Variants in MGAT4C observed in about 807,000 individuals in gnomAD.
MGAT4C encodes the protein alpha-1,3-mannosyl-glycoprotein 4-beta-N-acetylglucosaminyltransferase C.
In MGAT4C, 19 loss-of-function variants were observed where a neutral mutation model predicts 40.1. The observed-to-expected ratio is 0.47, with a 90% CI of 0.33 to 0.70. The LOEUF is 0.70. Ranked by LOEUF, MGAT4C falls within the 30% of genes least tolerant of loss-of-function variation. The pLI, the probability that MGAT4C is intolerant of heterozygous loss-of-function variation, is 0.02. For synonymous variants in MGAT4C, 181 were observed against 187.1 expected, an observed-to-expected ratio of 0.97 and a Z score of 0.27; for missense variants, 491 against 563.2, an observed-to-expected ratio of 0.87 and a Z score of 1.30.
Position 86,201,387 on chromosome 12 carries a change from C to T in MGAT4C, c.-57+54852G>A, listed in dbSNP as rs115043091. On this transcript the variant is annotated intron_variant, in intron 1 of 4. Coordinates refer to ENST00000611864, the MANE Select transcript of MGAT4C (RefSeq NM_001351288.2). ...TTGTTTATTATTATGTCAATAACAC[C>T]ATCTTGATTAATGAAGCTATATTAT... Among the ~76,000 whole-genome samples the T allele has an allele frequency of 3.2e-3, 485 of 151,164 alleles. 2 individuals carry two copies. Among genetic ancestry groups the T allele is most frequent in the African/African-American group, 0.011 (450 of 41,358 alleles).
chr12:86,508,975 G>A (rs1958522163), intron 2 of MGAT4C, among the ~76,000 whole-genome samples: 1 of 151,774 alleles, frequency 6.6e-6, no homozygotes. Flanking sequence ...TGTCAGATGA[G>A]TTAGGTTGCG....
chr12:86,773,927 A>AT (rs1237912217), intron 1 of MGAT4C, among the ~76,000 whole-genome samples: 2 of 136,140 alleles, frequency 1.5e-5, no homozygotes, highest in Non-Finnish European at 3.2e-5. Context: ...ACAGGTTCAC[A>AT]TTTTTTTAAA....
chr12:86,041,648 T>G (rs1021647151), intron 2 of MGAT4C, among the ~76,000 whole-genome samples: 2 of 152,236 alleles, frequency 1.3e-5, no homozygotes, highest in Non-Finnish European at 2.9e-5. Context: ...CTTCTTAGTA[T>G]TGACTTAAAT....
At chr12:86,066,116 T>C (rs1398153849) in intron 1 of MGAT4C, among the ~76,000 whole-genome samples, 1 of 152,152 alleles carries the variant, frequency 6.6e-6, no homozygotes, top group African/African-American at 2.4e-5. Context: ...ATCAATATCG[T>C]GAAAATGGCC....
At chr12:86,411,818 C>T (rs765494777) in intron 3 of MGAT4C, among the ~76,000 whole-genome samples, 8 of 152,130 alleles carry the variant, frequency 5.3e-5, no homozygotes, top group Non-Finnish European at 8.8e-5. Flanking sequence ...CCATCATAGG[C>T]CCGGAGGACT....
chr12:86,518,202 C>T (rs941230508), intron 2 of MGAT4C, among the ~76,000 whole-genome samples: 5 of 152,018 alleles, frequency 3.3e-5, no homozygotes, highest in African/African-American at 7.2e-5. Flanking sequence ...TGAACAACAA[C>T]AACAAAAAAA....
chr12:86,756,419 AT>A (rs35597176), intron 1 of MGAT4C, among the ~76,000 whole-genome samples: 45,123 of 149,088 alleles, frequency 0.3, 6,848 homozygotes, highest in East Asian at 0.37. Flanking sequence ...GCAACATACG[AT>A]TTTTTTTTTT....
At chr12:86,671,705 G>A (rs944412869) in intron 2 of MGAT4C, among the ~76,000 whole-genome samples, 2 of 152,246 alleles carry the variant, frequency 1.3e-5, no homozygotes, top group East Asian at 3.9e-4. Context: ...AAGAGAGAAA[G>A]GAGGTCATTA....
chr12:86,827,320 A>G (rs1292665486), intron 1 of MGAT4C, among the ~76,000 whole-genome samples: 1 of 151,510 alleles, frequency 6.6e-6, no homozygotes, highest in African/African-American at 2.4e-5. Flanking sequence ...CAAAAACCTT[A>G]TAAAATGGAA....
intron 4 of MGAT4C, among the ~76,000 whole-genome samples, chr12:86,279,318 T>C (rs1273718562): frequency 2.0e-5 from 3 of 152,156 alleles, no homozygotes; most frequent in Non-Finnish European, 2.9e-5. Context: ...ATTTTTATCA[T>C]GGCATTGATC....
At chr12:86,124,071 T>C in intron 1 of MGAT4C, among the ~76,000 whole-genome samples, 1 of 152,036 alleles carries the variant, frequency 6.6e-6, no homozygotes, top group African/African-American at 2.4e-5. Flanking sequence ...TTACAGTTCC[T>C]GGAGATATGA....
intron 1 of MGAT4C, among the ~76,000 whole-genome samples, chr12:86,761,660 A>G (rs1020610054): frequency 1.3e-5 from 2 of 152,130 alleles, no homozygotes; most frequent in African/African-American, 4.8e-5. Context: ...TCATGGGAGA[A>G]TTAATTTTCT....
intron 2 of MGAT4C, among the ~76,000 whole-genome samples, chr12:86,685,048 C>G (rs1950048598): frequency 6.6e-6 from 1 of 152,106 alleles, no homozygotes; most frequent in East Asian, 1.9e-4. Context: ...AATAAGATCC[C>G]ATTTGTCAAT....
intron 2 of MGAT4C, among the ~76,000 whole-genome samples, chr12:86,603,277 T>C (rs1341126952): frequency 7.0e-6 from 1 of 142,394 alleles, no homozygotes; most frequent in East Asian, 2.0e-4. Context: ...AATATAATTA[T>C]AATTAATTAT....
chr12:86,503,711 CATATATATATATATGAGTTCTGCTCAT>C (rs1958412052), intron 2 of MGAT4C, among the ~76,000 whole-genome samples: 5 of 61,638 alleles, frequency 8.1e-5, no homozygotes, highest in Non-Finnish European at 1.5e-4. Context: ...GAGTTCTGCT[CATATATATATATATGAGTTCTGCTCAT>C]ATATATATAT....
At chr12:86,363,959 C>T (rs909013976) in intron 3 of MGAT4C, among the ~76,000 whole-genome samples, 1 of 67,296 alleles carries the variant, frequency 1.5e-5, no homozygotes, top group Admixed American at 1.9e-4. Context: ...TTCTCACTCT[C>T]TCTCTCTCTC....
chr12:85,980,542 C>G, intron 4 of MGAT4C, 112 bp from the exon 5 acceptor site: 1 of 925,646 alleles, frequency 1.1e-6, no homozygotes, highest in Non-Finnish European at 1.6e-6. Flanking sequence ...TTAAGTAAAT[C>G]TAGTAAATGA....
chr12:86,614,079 T>C (rs2136479065), intron 2 of MGAT4C, among the ~76,000 whole-genome samples: 1 of 152,256 alleles, frequency 6.6e-6, no homozygotes, highest in East Asian at 1.9e-4. Context: ...AATTGGACTT[T>C]GGACTTCTTA....
chr12:86,587,298 T>C (rs918672663), intron 2 of MGAT4C, among the ~76,000 whole-genome samples: 7 of 152,128 alleles, frequency 4.6e-5, no homozygotes, highest in Admixed American at 4.6e-4. Flanking sequence ...CTCTGTTCTG[T>C]TCCATTGATC....
Sources: allele counts gnomAD v4.1 joint callset (sites outside exome capture counted in the v4.1 genomes callset), GRCh38; gene constraint gnomAD v4.1.1; transcripts MANE v1.5; gene names NCBI Gene and HGNC (gene_info 2026-07-23, HGNC 2026-07-21).